NALF1: variants seen among roughly 807,000 people sequenced by gnomAD.
NALF1 encodes NALCN channel auxiliary factor 1.
Under a neutral mutation model 48.4 loss-of-function variants are expected in NALF1, and 3 were observed. That is an observed-to-expected ratio of 0.06 (90% CI 0.03 to 0.16). NALF1 has a LOEUF of 0.16. NALF1 is among the 10% of genes least tolerant of loss of function. The pLI is 1.00. For missense variants in NALF1, 526 were observed against 571.5 expected (o/e 0.92, Z 0.81); for synonymous variants, 262 against 245.7 (o/e 1.07, Z -0.62).
rs1286649756 is a variant in NALF1, at chr13:107,471,530, C to T, written c.916-260775G>A. ...ATTGTGGGACTTATTTAGAAAGTGC[C>T]ATGGCGTGGATATTATGTAAGTTTC... On this transcript the variant is annotated intron_variant, in intron 1 of 2. Transcript: ENST00000375915. 2.0e-5 allele frequency among the ~76,000 whole-genome samples: 3 copies of T among 152,136 alleles called. No homozygotes were observed. The East Asian group carries it at 5.8e-4, about 29-fold the overall frequency.
At chr13:107,724,966 T>G (rs1359883682) in intron 1 of NALF1, among the ~76,000 whole-genome samples, 1 of 152,210 alleles carries the variant, frequency 6.6e-6, no homozygotes, top group African/African-American at 2.4e-5. Flanking sequence ...TACTTCTCAT[T>G]CTAGCTTCCA....
intron 1 of NALF1, among the ~76,000 whole-genome samples, chr13:107,677,374 G>A (rs1395364991): frequency 6.6e-6 from 1 of 152,198 alleles, no homozygotes; most frequent in Non-Finnish European, 1.5e-5. Flanking sequence ...ATGTGTAAAT[G>A]TGTATAAACA....
At chr13:107,358,645 CA>C (rs1883006370) in intron 1 of NALF1, among the ~76,000 whole-genome samples, 1 of 152,114 alleles carries the variant, frequency 6.6e-6, no homozygotes, top group African/African-American at 2.4e-5. Context: ...ATTAAAAATG[CA>C]ATACCTTCTG....
At chr13:107,299,791 C>CA (rs1284996255) in intron 1 of NALF1, among the ~76,000 whole-genome samples, 1 of 151,820 alleles carries the variant, frequency 6.6e-6, no homozygotes, top group African/African-American at 2.4e-5. Flanking sequence ...CCAATTCTGT[C>CA]ATTGTTTGAT....
intron 1 of NALF1, among the ~76,000 whole-genome samples, chr13:107,573,664 C>T (rs1210749086): frequency 2.0e-5 from 3 of 150,484 alleles, no homozygotes; most frequent in African/African-American, 4.8e-5. Flanking sequence ...ATTGTAGCTC[C>T]CACGATTCCC....
chr13:107,182,504 A>T (rs937513893), intron 2 of NALF1, among the ~76,000 whole-genome samples: 3 of 152,092 alleles, frequency 2.0e-5, no homozygotes, highest in Non-Finnish European at 4.4e-5. Flanking sequence ...TTCCGGGCTC[A>T]AGTGATCTGC....
At chr13:107,710,722 T>C (rs12864510) in intron 1 of NALF1, among the ~76,000 whole-genome samples, 1 of 150,756 alleles carries the variant, frequency 6.6e-6, no homozygotes, top group Non-Finnish European at 1.5e-5. Flanking sequence ...ACGTGGGGAT[T>C]ACAATTTTTA....
intron 1 of NALF1, among the ~76,000 whole-genome samples, chr13:107,628,546 C>A (rs149305772): frequency 1.3e-3 from 200 of 152,240 alleles, no homozygotes; most frequent in African/African-American, 4.4e-3. Context: ...CATTACTTCT[C>A]CTTTCGTGTC....
chr13:107,499,319 G>T (rs554815945), intron 1 of NALF1, among the ~76,000 whole-genome samples: 1 of 151,934 alleles, frequency 6.6e-6, no homozygotes, highest in Non-Finnish European at 1.5e-5. Context: ...CCTGTCTTCC[G>T]TTTAAAAGTT....
intron 1 of NALF1, among the ~76,000 whole-genome samples, chr13:107,331,056 G>T (rs1882459483): frequency 6.6e-6 from 1 of 152,070 alleles, no homozygotes; most frequent in Admixed American, 6.6e-5. Context: ...GATTAGGATG[G>T]TAAAAGAAGA....
intron 1 of NALF1, among the ~76,000 whole-genome samples, chr13:107,461,807 G>A (rs1884923207): frequency 6.6e-6 from 1 of 152,102 alleles, no homozygotes; most frequent in African/African-American, 2.4e-5. Flanking sequence ...TTTTTAGTGT[G>A]ATTTTCCTTT....
chr13:107,727,044 T>C (rs1876178104), intron 1 of NALF1, among the ~76,000 whole-genome samples: 1 of 151,268 alleles, frequency 6.6e-6, no homozygotes, highest in Non-Finnish European at 1.5e-5. Context: ...ACTCCTGACC[T>C]CATGATCCTC....
chr13:107,806,252 G>A (rs1878784382), intron 1 of NALF1, among the ~76,000 whole-genome samples: 1 of 152,136 alleles, frequency 6.6e-6, no homozygotes, highest in African/African-American at 2.4e-5. Context: ...GTAATTTAAT[G>A]TAGTCACTAC....
At chr13:107,452,575 T>C (rs1884760651) in intron 1 of NALF1, among the ~76,000 whole-genome samples, 1 of 152,182 alleles carries the variant, frequency 6.6e-6, no homozygotes, top group Non-Finnish European at 1.5e-5. Context: ...GTGAGGATTA[T>C]CGGGATTACA....
At chr13:107,200,919 G>A (rs902039166) in intron 2 of NALF1, among the ~76,000 whole-genome samples, 13 of 152,276 alleles carry the variant, frequency 8.5e-5, no homozygotes, top group East Asian at 7.7e-4. Flanking sequence ...GGCATCAGAC[G>A]TAACTCTGAG....
intron 1 of NALF1, among the ~76,000 whole-genome samples, chr13:107,790,764 GA>G (rs1205523799): frequency 6.6e-6 from 1 of 152,222 alleles, no homozygotes; most frequent in East Asian, 1.9e-4. Flanking sequence ...TGGATTTGGG[GA>G]AAAAATGCAT....
At chr13:107,383,350 G>A (rs1883473836) in intron 1 of NALF1, among the ~76,000 whole-genome samples, 1 of 152,090 alleles carries the variant, frequency 6.6e-6, no homozygotes, top group African/African-American at 2.4e-5. Flanking sequence ...CTTATTTATA[G>A]TATCTATTAT....
chr13:107,398,204 AC>A (rs1566325351), intron 1 of NALF1, among the ~76,000 whole-genome samples: 11 of 152,282 alleles, frequency 7.2e-5, no homozygotes, highest in African/African-American at 2.6e-4. Flanking sequence ...ATCATTGCTT[AC>A]GTATTTTCTT....
At chr13:107,180,746 G>A (rs993923011) in intron 2 of NALF1, among the ~76,000 whole-genome samples, 1 of 151,502 alleles carries the variant, frequency 6.6e-6, no homozygotes, top group South Asian at 2.1e-4. Context: ...TTTTACATCT[G>A]GCATGTTTAT....
Sources: gnomAD v4.1 joint callset for allele counts (sites outside exome capture counted in the v4.1 genomes callset) on GRCh38, gnomAD v4.1.1 for gene constraint, MANE v1.5 for transcripts, NCBI Gene and HGNC (gene_info 2026-07-23, HGNC 2026-07-21) for gene names.